Variants in DCLK1 observed in about 807,000 individuals in gnomAD.
The protein encoded by DCLK1 is doublecortin like kinase 1, also known as serine/threonine-protein kinase DCLK1.
Under a neutral mutation model 86.2 loss-of-function variants are expected in DCLK1, and 16 were observed. That is an observed-to-expected ratio of 0.19 (90% CI 0.13 to 0.28). The LOEUF is 0.28. Ranked by LOEUF, DCLK1 falls within the 10% of genes least tolerant of loss-of-function variation. DCLK1 has a pLI of 1.00. For synonymous variants in DCLK1, 369 were observed against 370.5 expected (o/e 1.00, Z 0.05); for missense variants, 590 against 940.2 (o/e 0.63, Z 4.87).
intron 3 of DCLK1, among the ~76,000 whole-genome samples, chr13:36,072,471 T>C (rs529156262): frequency 6.0e-4 from 92 of 152,240 alleles, no homozygotes; most frequent in Non-Finnish European, 8.7e-4. Flanking sequence ...GCTTTAAATA[T>C]TATCTATATG....
chr13:35,918,623 T>C (rs1294971571), intron 4 of DCLK1, among the ~76,000 whole-genome samples: 3 of 152,172 alleles, frequency 2.0e-5, no homozygotes, highest in Non-Finnish European at 4.4e-5. Flanking sequence ...CAAACATTTG[T>C]TGAGCAACTA....
chr13:35,872,078 T>C (rs1268666426), intron 4 of DCLK1, among the ~76,000 whole-genome samples: 2 of 152,210 alleles, frequency 1.3e-5, no homozygotes, highest in Non-Finnish European at 2.9e-5. Flanking sequence ...GAGTTTTCTA[T>C]TTCTCTCTTA....
At chr13:35,933,893 G>T (rs1013567438) in intron 4 of DCLK1, among the ~76,000 whole-genome samples, 6 of 152,206 alleles carry the variant, frequency 3.9e-5, no homozygotes, top group Non-Finnish European at 5.9e-5. Flanking sequence ...CTCAGAAAAT[G>T]ATAGTTCCTT....
intron 10 of DCLK1, among the ~76,000 whole-genome samples, chr13:35,826,031 C>T (rs1233287085): frequency 2.0e-5 from 3 of 151,932 alleles, no homozygotes; most frequent in African/African-American, 7.2e-5. Context: ...CCAGGATGGT[C>T]TCAATCTCTT....
At chr13:35,882,998 G>T (rs137880998) in intron 4 of DCLK1, among the ~76,000 whole-genome samples, 139 of 152,302 alleles carry the variant, frequency 9.1e-4, no homozygotes, top group Admixed American at 5.0e-3. Context: ...GTCAGAGAAG[G>T]TCTCTTGGTG....
intron 4 of DCLK1, among the ~76,000 whole-genome samples, chr13:35,879,726 C>T (rs1024035151): frequency 2.0e-5 from 3 of 152,122 alleles, no homozygotes; most frequent in Admixed American, 1.3e-4. Flanking sequence ...TTGCAGACAC[C>T]GGGCATGAAA....
chr13:35,836,197 C>A (rs1869365669), intron 7 of DCLK1, 56 bp from the exon 8 acceptor site: 5 of 1,382,166 alleles, frequency 3.6e-6, no homozygotes, highest in Non-Finnish European at 5.1e-6. Context: ...AGATGTTGCA[C>A]AAGGAAACAT....
At chr13:35,929,169 T>C (rs917678834) in intron 4 of DCLK1, among the ~76,000 whole-genome samples, 5 of 152,220 alleles carry the variant, frequency 3.3e-5, no homozygotes, top group Admixed American at 3.3e-4. Context: ...GACCCCGTGA[T>C]CCACCTGCCT....
At chr13:36,024,108 CTGGT>C (rs1881927217) in intron 3 of DCLK1, among the ~76,000 whole-genome samples, 1 of 151,596 alleles carries the variant, frequency 6.6e-6, no homozygotes, top group East Asian at 1.9e-4. Context: ...GTTGGCAAGG[CTGGT>C]CTCAAACTCC....
At position 35,773,991 on chromosome 13, in the gene DCLK1, G is replaced by A. The variant is rs2086377501; in HGVS notation, c.*544C>T. The A allele has an allele frequency of 6.6e-6, 1 of 152,260 alleles. No individual in the cohort carries two copies. Among genetic ancestry groups the A allele is most frequent in the African/African-American group, 2.4e-5 (1 of 41,378 alleles). 9.4% of individuals were successfully genotyped at this position (152,260 alleles called of 1,614,324 possible). On this transcript the variant is annotated 3_prime_UTR_variant, in exon 17 of 17. Transcript: ENST00000360631. ...TGTTTCTGAATAGGATTGTGAAGAA[G>A]AAAGAACCGTGCGTGTGTCGAAGTT... is the stretch of plus-strand genomic sequence containing the variant.
chr13:35,947,863 C>T (rs189644368), intron 3 of DCLK1, among the ~76,000 whole-genome samples: 2 of 152,184 alleles, frequency 1.3e-5, no homozygotes, highest in African/African-American at 2.4e-5. Context: ...CATATACACA[C>T]GATAATCACC....
At chr13:35,805,464 T>G in intron 15 of DCLK1, 1 of 432,674 alleles carries the variant, frequency 2.3e-6, no homozygotes, top group Non-Finnish European at 4.1e-6. Context: ...GCCCAGCTAA[T>G]TTTTTGTATT....
intron 3 of DCLK1, among the ~76,000 whole-genome samples, chr13:36,072,411 T>G (rs1226546985): frequency 6.6e-6 from 1 of 152,186 alleles, no homozygotes; most frequent in Non-Finnish European, 1.5e-5. Flanking sequence ...TTGAAACTCT[T>G]CCCTTCTCTA....
chr13:36,067,319 A>G (rs1225996602), intron 3 of DCLK1, among the ~76,000 whole-genome samples: 2 of 149,328 alleles, frequency 1.3e-5, no homozygotes, highest in Non-Finnish European at 3.0e-5. Context: ...CAAAAAACCA[A>G]CCACCACATG....
chr13:35,799,682 T>G (rs951749961), intron 15 of DCLK1, among the ~76,000 whole-genome samples: 1 of 152,114 alleles, frequency 6.6e-6, no homozygotes, highest in Admixed American at 6.5e-5. Flanking sequence ...AAAATAAAAA[T>G]GGAATGACAG....
At chr13:36,103,396 A>G (rs1593892858) in intron 3 of DCLK1, among the ~76,000 whole-genome samples, 1 of 132,666 alleles carries the variant, frequency 7.5e-6, no homozygotes, top group African/African-American at 3.0e-5. Context: ...AGAACAAGAC[A>G]CCTGTCTTAA....
chr13:35,986,831 G>A (rs979728198), intron 3 of DCLK1, among the ~76,000 whole-genome samples: 1 of 152,106 alleles, frequency 6.6e-6, no homozygotes, highest in African/African-American at 2.4e-5. Flanking sequence ...GTTTTTCAGG[G>A]GTGATGATGC....
chr13:36,076,319 TC>T (rs1884212951), intron 3 of DCLK1, among the ~76,000 whole-genome samples: 1 of 152,208 alleles, frequency 6.6e-6, no homozygotes, highest in Non-Finnish European at 1.5e-5. Context: ...ATGGGCACTT[TC>T]ACAATTATCA....
At chr13:35,899,338 A>AGTGTGT (rs755180041) in intron 4 of DCLK1, among the ~76,000 whole-genome samples, 347 of 143,890 alleles carry the variant, frequency 2.4e-3, no homozygotes, top group Middle Eastern at 3.5e-3. Flanking sequence ...GAGAAATACA[A>AGTGTGT]GTGTGTGTGT....
Sources: allele counts gnomAD v4.1 joint callset (sites outside exome capture counted in the v4.1 genomes callset), GRCh38; gene constraint gnomAD v4.1.1; transcripts MANE v1.5; gene names NCBI Gene and HGNC (gene_info 2026-07-23, HGNC 2026-07-21).